The following CACNB4 variants were observed in gnomAD, a reference collection of about 807,000 sequenced individuals.
CACNB4 encodes calcium voltage-gated channel auxiliary subunit beta 4, also known as voltage-dependent L-type calcium channel subunit beta-4.
A neutral mutation model predicts 71.2 loss-of-function variants in CACNB4; 32 were observed. That is an observed-to-expected ratio of 0.45 (90% CI 0.34 to 0.60). The LOEUF is 0.60. Among genes scored for constraint, CACNB4 ranks in the 20% least tolerant of loss-of-function variants. CACNB4 has a pLI of 0.01. For missense variants in CACNB4, 464 were observed against 647.9 expected, an observed-to-expected ratio of 0.72 and a Z score of 3.08; for synonymous variants, 231 against 236.9, an observed-to-expected ratio of 0.97 and a Z score of 0.23.
intron 2 of CACNB4, among the ~76,000 whole-genome samples, chr2:151,893,083 G>A (rs1046797059): frequency 4.6e-5 from 7 of 152,070 alleles, no homozygotes; most frequent in African/African-American, 9.7e-5. Context: ...TGGTACTGGC[G>A]CAGATCAATG....
intron 2 of CACNB4, among the ~76,000 whole-genome samples, chr2:152,070,304 TA>T (rs1686610150): frequency 6.6e-6 from 1 of 152,218 alleles, no homozygotes; most frequent in South Asian, 2.1e-4. Context: ...GCAAGAATTT[TA>T]GCAAACCAAA....
rs146339586 is a variant in CACNB4, at chr2:151,937,979, T to C, written c.148-54609A>G. On this transcript the variant is annotated intron_variant, in intron 2 of 13. Transcript: ENST00000539935. The stretch of plus-strand genomic sequence containing the variant: ...TCAGAACGTTCTGAAATTTTATTCT[T>C]ATATTTTACAAAAATCTGCCTCCCT... Among the ~76,000 whole-genome samples, 484 of 152,332 alleles carry C rather than the reference T, an allele frequency of 3.2e-3. 4 individuals are homozygous for C. The highest frequency in any genetic ancestry group is 0.011 in the African/African-American group (464 of 41,576).
intron 2 of CACNB4, among the ~76,000 whole-genome samples, chr2:151,903,360 A>C (rs1040725304): frequency 1.3e-5 from 2 of 149,192 alleles, no homozygotes; most frequent in African/African-American, 4.9e-5. Context: ...CTAAAAATCC[A>C]AAAAAAAAAT....
intron 2 of CACNB4, among the ~76,000 whole-genome samples, chr2:152,053,759 A>C (rs1685575020): frequency 6.6e-6 from 1 of 152,082 alleles, no homozygotes; most frequent in African/African-American, 2.4e-5. Context: ...CCTGGGCTCA[A>C]GCAATCCTCC....
intron 2 of CACNB4, among the ~76,000 whole-genome samples, chr2:151,928,903 C>G (rs1560013351): frequency 1.4e-5 from 2 of 142,774 alleles, no homozygotes; most frequent in African/African-American, 2.8e-5. Context: ...CAGAGTGAGA[C>G]CCTGTCTCAA....
At chr2:152,070,140 G>C (rs1686602456) in intron 2 of CACNB4, among the ~76,000 whole-genome samples, 1 of 152,076 alleles carries the variant, frequency 6.6e-6, no homozygotes, top group African/African-American at 2.4e-5. Flanking sequence ...ACCACGCCTG[G>C]CCAACTTCAT....
intron 2 of CACNB4, among the ~76,000 whole-genome samples, chr2:152,032,910 T>C (rs1196685462): frequency 1.3e-5 from 2 of 152,144 alleles, no homozygotes; most frequent in African/African-American, 2.4e-5. Flanking sequence ...GCTATGATTA[T>C]GCCACTGCAC....
At chr2:151,847,772 G>A (rs551910386) in intron 12 of CACNB4, among the ~76,000 whole-genome samples, 3 of 152,272 alleles carry the variant, frequency 2.0e-5, no homozygotes, top group African/African-American at 7.2e-5. Flanking sequence ...TGTAGTCCCA[G>A]CTACTTGGGA....
intron 2 of CACNB4, among the ~76,000 whole-genome samples, chr2:151,941,011 A>G (rs971666668): frequency 9.2e-5 from 14 of 152,166 alleles, no homozygotes; most frequent in African/African-American, 3.1e-4. Context: ...TCTCTATGGC[A>G]TGGGAGTGTC....
At chr2:152,062,104 A>C (rs1027009509) in intron 2 of CACNB4, among the ~76,000 whole-genome samples, 2 of 151,612 alleles carry the variant, frequency 1.3e-5, no homozygotes, top group East Asian at 3.8e-4. Context: ...TTTTCAGCAA[A>C]TACTTAAGAT....
At chr2:152,075,705 C>G (rs1364653852) in intron 2 of CACNB4, among the ~76,000 whole-genome samples, 2 of 152,176 alleles carry the variant, frequency 1.3e-5, no homozygotes, top group East Asian at 3.9e-4. Context: ...CTTGCCCTGC[C>G]TCCAGCTCAA....
chr2:152,073,364 C>T (rs965116857), intron 2 of CACNB4, among the ~76,000 whole-genome samples: 2 of 152,140 alleles, frequency 1.3e-5, no homozygotes, highest in Non-Finnish European at 2.9e-5. Flanking sequence ...TCACCCCATG[C>T]CAAATTCAAT....
intron 2 of CACNB4, among the ~76,000 whole-genome samples, chr2:152,027,900 C>T (rs1282272338): frequency 6.7e-6 from 1 of 149,088 alleles, no homozygotes; most frequent in Non-Finnish European, 1.5e-5. Flanking sequence ...GCCCTTGAGG[C>T]TCTCAAGCCA....
At chr2:152,033,229 T>C (rs1185363698) in intron 2 of CACNB4, among the ~76,000 whole-genome samples, 2 of 152,190 alleles carry the variant, frequency 1.3e-5, no homozygotes, top group Non-Finnish European at 2.9e-5. Context: ...GAGGCATGCT[T>C]ACACGTTTTT....
chr2:151,849,263 G>T (rs1461611494), intron 12 of CACNB4, among the ~76,000 whole-genome samples: 1 of 151,996 alleles, frequency 6.6e-6, no homozygotes, highest in Non-Finnish European at 1.5e-5. Flanking sequence ...CAGCCTCTGT[G>T]ATTTTTTTTT....
chr2:152,039,144 C>T (rs140938807), intron 2 of CACNB4, among the ~76,000 whole-genome samples: 3,310 of 152,128 alleles, frequency 0.022, 125 homozygotes, highest in African/African-American at 0.074. Flanking sequence ...TTGGGCCGAG[C>T]GCGGTGGCTC....
At chr2:152,020,869 ATATT>A (rs1403499204) in intron 2 of CACNB4, among the ~76,000 whole-genome samples, 1 of 152,224 alleles carries the variant, frequency 6.6e-6, no homozygotes, top group African/African-American at 2.4e-5. Context: ...ATAAATGTAA[ATATT>A]TAATATCCTC....
chr2:152,088,140 A>AACACACACACACAC (rs55688548), intron 2 of CACNB4, among the ~76,000 whole-genome samples: 79 of 137,024 alleles, frequency 5.8e-4, no homozygotes, highest in African/African-American at 1.7e-3. Context: ...TTCCCCACTT[A>AACACACACACACAC]ACACACACAC....
At chr2:152,047,970 G>A (rs565103477) in intron 2 of CACNB4, among the ~76,000 whole-genome samples, 22 of 152,104 alleles carry the variant, frequency 1.4e-4, no homozygotes, top group Non-Finnish European at 3.1e-4. Flanking sequence ...TTAAGCATTC[G>A]CTGCTCAATT....
Sources: allele counts gnomAD v4.1 joint callset (sites outside exome capture counted in the v4.1 genomes callset), GRCh38; gene constraint gnomAD v4.1.1; transcripts MANE v1.5; gene names NCBI Gene and HGNC (gene_info 2026-07-23, HGNC 2026-07-21).